SLC25A48: variants seen among roughly 807,000 people sequenced by gnomAD.
SLC25A48 encodes the protein solute carrier family 25 member 48, also known as CTC-321K16.1.
In SLC25A48, 29 loss-of-function variants were observed where a neutral mutation model predicts 32.2. The ratio of observed to expected loss-of-function variants is 0.90; its 90% CI spans 0.67 to 1.23. The LOEUF (loss-of-function observed/expected upper bound fraction) is 1.23, where lower values mean the gene tolerates loss of function less well. SLC25A48 is among the 50% of genes most tolerant of loss of function. The pLI is 0.00. For missense variants in SLC25A48, 399 were observed against 422.7 expected, an observed-to-expected ratio of 0.94 and a Z score of 0.49; for synonymous variants, 164 against 172.3, an observed-to-expected ratio of 0.95 and a Z score of 0.38.
chr5:135,858,187 C>T (rs1407415349), intron 4 of SLC25A48, among the ~76,000 whole-genome samples: 2 of 152,198 alleles, frequency 1.3e-5, no homozygotes, highest in African/African-American at 2.4e-5. Flanking sequence ...TTCTGTTCTT[C>T]CCTGTGTGCC....
At chr5:135,818,542 C>A (rs142246008) in intron 4 of SLC25A48, among the ~76,000 whole-genome samples, 2 of 152,178 alleles carry the variant, frequency 1.3e-5, no homozygotes, top group Non-Finnish European at 2.9e-5. Flanking sequence ...CCACTGTAGA[C>A]GAAAGACAAG....
chr5:135,776,852 T>A (rs993002273), intron 3 of SLC25A48, among the ~76,000 whole-genome samples: 1 of 151,876 alleles, frequency 6.6e-6, no homozygotes, highest in Non-Finnish European at 1.5e-5. Flanking sequence ...AAAATGTATA[T>A]ACAAACCCCT....
intron 2 of SLC25A48, among the ~76,000 whole-genome samples, chr5:135,633,858 G>A (rs1040899160): frequency 6.6e-6 from 1 of 152,114 alleles, no homozygotes; most frequent in Non-Finnish European, 1.5e-5. Context: ...TTTAAAATCT[G>A]CATAAATATT....
intron 1 of SLC25A48, among the ~76,000 whole-genome samples, chr5:135,600,709 G>A (rs754747672): frequency 6.6e-6 from 1 of 151,488 alleles, no homozygotes; most frequent in Non-Finnish European, 1.5e-5. Flanking sequence ...TTGAGATGGA[G>A]TCTCACTCTG....
chr5:135,723,380 T>TCACACACACACACACACA (rs138387748), intron 3 of SLC25A48, among the ~76,000 whole-genome samples: 18,384 of 110,920 alleles, frequency 0.17, 1,651 homozygotes, highest in Middle Eastern at 0.25. Flanking sequence ...TCTCTCTCTC[T>TCACACACACACACACACA]CACACACACA....
chr5:135,834,901 T>C lies in SLC25A48; in HGVS notation c.46+8T>C. On this transcript the variant is annotated splice_region_variant and intron_variant, in intron 1 of 7. Coordinates refer to ENST00000681962, the MANE Select transcript of SLC25A48 (RefSeq NM_001349336.2). ...CGGCGGGCTGGATCGGAGGTGAGTG[T>C]GCTTACCGGGGACCCCCGGTCAGAG... 1.9e-6 allele frequency: 3 copies of C among 1,601,044 alleles called. No homozygotes were observed. Among genetic ancestry groups the C allele is most frequent in the Non-Finnish European group, 1.7e-6 (2 of 1,174,474 alleles).
chr5:135,865,601 A>G (rs916887307), intron 4 of SLC25A48, among the ~76,000 whole-genome samples: 4 of 152,168 alleles, frequency 2.6e-5, no homozygotes, highest in African/African-American at 9.7e-5. Flanking sequence ...CAGGCGCTCC[A>G]TTGTCCATGG....
chr5:135,595,517 C>T (rs1222983631), intron 1 of SLC25A48, among the ~76,000 whole-genome samples: 3 of 152,198 alleles, frequency 2.0e-5, no homozygotes, highest in African/African-American at 7.2e-5. Flanking sequence ...GAAAAGCTGT[C>T]GTGTCTGTCA....
At position 135,684,091 on chromosome 5, in the gene SLC25A48, A is replaced by G. The variant is rs528859598; in HGVS notation, c.-521+49135A>G. ...AAAGGCATTGTTACTATTTAAATGT[A>G]TTTTTAATAGGTAACATATGTTCAT... On this transcript the variant is annotated intron_variant, in intron 3 of 10. Coordinates refer to the SLC25A48 transcript ENST00000646290. 4.6e-5 allele frequency among the ~76,000 whole-genome samples: 7 copies of G among 152,268 alleles called. No individual in the cohort carries two copies. The South Asian group carries it at 1.5e-3, about 32-fold the overall frequency.
chr5:135,796,391 G>A (rs183713092), intron 3 of SLC25A48, among the ~76,000 whole-genome samples: 64 of 151,230 alleles, frequency 4.2e-4, no homozygotes, highest in South Asian at 1.3e-3. Flanking sequence ...GCCTTTTATC[G>A]CAGGAGGCAT....
At position 135,671,826 on chromosome 5, in the gene SLC25A48, C is replaced by G. The variant is rs182556676; in HGVS notation, c.-521+36870C>G. 4 of 152,304 alleles carry G rather than the reference C, an allele frequency of 2.6e-5. No homozygotes were observed. In the East Asian group the frequency reaches 7.7e-4, roughly 29 times the overall value. 9.4% of individuals were successfully genotyped at this position (152,304 alleles called of 1,614,324 possible). A position where few individuals can be genotyped will look rare whatever the true frequency, so the allele number is the denominator to read the frequency against. On this transcript the variant is annotated intron_variant, in intron 3 of 10. Coordinates refer to the SLC25A48 transcript ENST00000646290. ...AACCATTTTAAAAATTATCTACCAA[C>G]TCATACAACAGAAGGCATTAAGTTC...
At chr5:135,703,628 A>C (rs1326325702) in intron 3 of SLC25A48, among the ~76,000 whole-genome samples, 3 of 152,086 alleles carry the variant, frequency 2.0e-5, no homozygotes, top group Admixed American at 6.5e-5. Context: ...TTGACTCTCC[A>C]GTCTACTCCA....
chr5:135,586,845 T>G (rs1226102533), intron 1 of SLC25A48, among the ~76,000 whole-genome samples: 1 of 152,078 alleles, frequency 6.6e-6, no homozygotes, highest in Non-Finnish European at 1.5e-5. Context: ...AGTTTGGGCT[T>G]CATCACCTGG....
At chr5:135,700,035 T>TAG (rs1303472608) in intron 3 of SLC25A48, among the ~76,000 whole-genome samples, 1 of 152,158 alleles carries the variant, frequency 6.6e-6, no homozygotes, top group Non-Finnish European at 1.5e-5. Flanking sequence ...CTCATTTTGT[T>TAG]ATCTCTGAGT....
chr5:135,644,883 C>G (rs766154057), intron 3 of SLC25A48, among the ~76,000 whole-genome samples: 2 of 152,184 alleles, frequency 1.3e-5, no homozygotes, highest in Non-Finnish European at 2.9e-5. Context: ...TTTCCATTGC[C>G]ATCACTGTTG....
At position 135,871,603 on chromosome 5, in the gene SLC25A48, T is replaced by C; in HGVS notation, c.564T>C (p.Asp188=). The change falls in exon 5 of 8, where the codon GAT becomes GAC. Residue 188 remains aspartate (D), a synonymous_variant. Coordinates refer to ENST00000681962, the MANE Select transcript of SLC25A48 (RefSeq NM_001349336.2). ...GGGCCAGTGCCATGCTGCTGAGGGATGTCCCAGGCTATTGCCTCTACTTCA... is the reference window on the plus strand; with the variant it reads ...GGGCCAGTGCCATGCTGCTGAGGGACGTCCCAGGCTATTGCCTCTACTTCA... The part of the protein sequence containing the change: ...YRGASAMLLR[D]VPGYCLYFIP... The C allele has an allele frequency of 6.2e-7, 1 of 1,614,208 alleles. No homozygotes were observed. Among genetic ancestry groups the C allele is most frequent in the Non-Finnish European group, 8.5e-7 (1 of 1,180,024 alleles).
chr5:135,697,412 G>A (rs1175559996), intron 3 of SLC25A48, among the ~76,000 whole-genome samples: 1 of 152,198 alleles, frequency 6.6e-6, no homozygotes, highest in Non-Finnish European at 1.5e-5. Context: ...CACACAGGGT[G>A]GTCACAGCTC....
At chr5:135,681,387 G>A (rs536119574) in intron 3 of SLC25A48, among the ~76,000 whole-genome samples, 30 of 152,226 alleles carry the variant, frequency 2.0e-4, no homozygotes, top group Non-Finnish European at 3.8e-4. Context: ...TTCAGATATT[G>A]TATTTTTTAC....
intron 4 of SLC25A48, among the ~76,000 whole-genome samples, chr5:135,867,323 T>G (rs748049232): frequency 1.3e-5 from 2 of 152,184 alleles, no homozygotes; most frequent in Non-Finnish European, 2.9e-5. Flanking sequence ...ACAAAGGACT[T>G]GCAAGTCCAG....
Sources: gnomAD v4.1 joint callset for allele counts (sites outside exome capture counted in the v4.1 genomes callset) on GRCh38, gnomAD v4.1.1 for gene constraint, MANE v1.5 for transcripts, NCBI Gene and HGNC (gene_info 2026-07-23, HGNC 2026-07-21) for gene names.